SCAF1: variants seen among roughly 807,000 people sequenced by gnomAD.
SCAF1 encodes splicing factor, arginine/serine-rich 19.
SCAF1 carries 28 observed loss-of-function variants against 91.2 expected under a neutral mutation model. The observed-to-expected ratio is 0.31, with a 90% CI of 0.23 to 0.42. The LOEUF (loss-of-function observed/expected upper bound fraction) is 0.42, where lower values mean the gene tolerates loss of function less well. Ranked by LOEUF, SCAF1 falls within the 10% of genes least tolerant of loss-of-function variation. The pLI is 1.00. For missense variants in SCAF1, 1,893 were observed against 1,872.1 expected, an observed-to-expected ratio of 1.01 and a Z score of -0.21; for synonymous variants, 1,036 against 833.7, an observed-to-expected ratio of 1.24 and a Z score of -4.18.
intron 1 of SCAF1, among the ~76,000 whole-genome samples, chr19:49,644,250 C>A (rs190738270): frequency 2.6e-5 from 4 of 152,054 alleles, no homozygotes; most frequent in African/African-American, 9.7e-5. Context: ...TTTCTGAAGC[C>A]CTAATCAAGA....
chr19:49,646,431 T>C lies in SCAF1; in HGVS notation c.262-95T>C. On this transcript the variant is annotated intron_variant, in intron 4 of 10. Coordinates refer to ENST00000360565, the MANE Select transcript of SCAF1 (RefSeq NM_021228.3). The surrounding 1 kb of genome is among the most constrained non-coding windows in gnomAD (Gnocchi z 5.6). ...CCTCAGTTTTCTTGGGGATCTTAGATGTCTGGGTTCCTGAGAGGTTAGGGA... is the reference window on the plus strand; with the variant it reads ...CCTCAGTTTTCTTGGGGATCTTAGACGTCTGGGTTCCTGAGAGGTTAGGGA... The C allele has an allele frequency of 8.9e-7, 1 of 1,120,024 alleles. No homozygotes were observed. Among genetic ancestry groups the C allele is most frequent in the African/African-American group, 1.5e-5 (1 of 65,086 alleles). The allele number at this position is 1,120,024 out of a possible 1,614,324, so 69.4% of individuals were successfully genotyped here.
chr19:49,650,081 C>A (rs1406537417), intron 6 of SCAF1, among the ~76,000 whole-genome samples: 1 of 152,172 alleles, frequency 6.6e-6, no homozygotes, highest in Non-Finnish European at 1.5e-5. Flanking sequence ...TCTTTGGGGG[C>A]GAATGAGGTG....
At chr19:49,643,582 C>T (rs1161979965) in intron 1 of SCAF1, among the ~76,000 whole-genome samples, 3 of 152,162 alleles carry the variant, frequency 2.0e-5, no homozygotes, top group African/African-American at 4.8e-5. Flanking sequence ...GGTGTGTCTG[C>T]GAAGCCTGGT....
rs374115603 is a variant in SCAF1 at position 49,646,149 on chromosome 19, A to G, written c.208A>G (p.Ser70Gly). 1.4e-5 allele frequency: 22 copies of G among 1,611,216 alleles called. No individual in the cohort carries two copies. Among genetic ancestry groups the G allele is most frequent in the Admixed American group, 3.3e-5 (2 of 59,910 alleles). Residue 70 changes from serine (S) to glycine (G), a missense_variant, in exon 4 of 11, where the codon AGT becomes GGT. Ser to Gly is a moderately conservative substitution (Grantham distance 56). This residue lies in a region of SCAF1 where 270 missense variants were observed against 292.5 expected (regional missense o/e 0.92). Coordinates refer to ENST00000360565, the MANE Select transcript of SCAF1 (RefSeq NM_021228.3). This position sits in a 1 kb window ranked among gnomAD's most constrained non-coding sequence, Gnocchi z 5.6. ...CHGLRWRRCR[S>G]PRSEPRSQES... is the part of the protein sequence containing the mutation. ...TGGCCTTCGATGGCGGCGCTGCCGG[A>G]GTCCACGGTCAGAGCCCCGTTCCCA...
rs2081047403 is a variant in SCAF1, at chr19:49,645,137, G to A, written c.108+3G>A. The A allele has an allele frequency of 2.5e-6, 4 of 1,612,844 alleles. No individual in the cohort carries two copies. Among genetic ancestry groups the A allele is most frequent in the South Asian group, 1.1e-5 (1 of 91,028 alleles). On this transcript the variant is annotated splice_donor_region_variant and intron_variant, in intron 2 of 10. Transcript: ENST00000360565. This position sits in a 1 kb window ranked among gnomAD's most constrained non-coding sequence, Gnocchi z 4.6. The stretch of plus-strand genomic sequence containing the variant: ...TTTCTCCTTCTGCCTTTATCCTGGT[G>A]AGGCTGCTGGGCTCCTGGCACTGAG...
chr19:49,652,026 C>A lies in SCAF1; in HGVS notation c.1637C>A (p.Pro546Gln). The A allele has an allele frequency of 1.6e-6, 2 of 1,220,932 alleles. No homozygotes were observed. The highest frequency in any genetic ancestry group is 5.3e-5 in the East Asian group (1 of 18,786). The allele number at this position is 1,220,932 out of a possible 1,614,324, so 75.6% of individuals were successfully genotyped here. Residue 546 changes from proline to glutamine, a missense_variant, in exon 7 of 11, where the codon CCG (proline) becomes CAG (glutamine). Transcript: ENST00000360565. The stretch of plus-strand genomic sequence containing the variant: ...GGCACCCAGCCAGCGCCGCCCGCCC[C>A]GGCCTCGCCCTGGGACTCCAAGAAG... ...SSGTQPAPPA[P>Q]ASPWDSKKHR...
chr19:49,650,950 C>T lies in SCAF1; in HGVS notation c.561C>T (p.Pro187=), dbSNP rs1197743452. ...LGTGDGGPAP[P]PAPSSASSSP... is the part of the protein sequence containing the mutation. ...CGGGAGACGGGGGCCCTGCCCCACC[C>T]CCTGCCCCCTCCTCTGCATCCTCCT... The change falls in exon 7 of 11, where the codon CCC becomes CCT. Residue 187 remains proline (P), a synonymous_variant. Transcript: ENST00000360565. 2 of 1,564,440 alleles carry T rather than the reference C, an allele frequency of 1.3e-6. No homozygotes were observed. Among genetic ancestry groups the T allele is most frequent in the Admixed American group, 3.5e-5 (2 of 56,668 alleles).
intron 8 of SCAF1, 37 bp downstream of exon 8, chr19:49,654,468 C>T (rs764278041): frequency 6.3e-7 from 1 of 1,590,758 alleles, no homozygotes; most frequent in Non-Finnish European, 8.6e-7. Flanking sequence ...GCCGCCCCTT[C>T]TTTTGTCCAT....
Position 49,653,301 on chromosome 19 carries a change from C to T in SCAF1, c.2912C>T (p.Ala971Val), listed in dbSNP as rs373766795. 6 of 1,467,458 alleles carry T rather than the reference C, an allele frequency of 4.1e-6. No homozygotes were observed. The highest frequency in any genetic ancestry group is 2.8e-5 in the African/African-American group (2 of 70,416). The allele number at this position is 1,467,458 out of a possible 1,614,324, so 90.9% of individuals were successfully genotyped here. A position where few individuals can be genotyped will look rare whatever the true frequency, so the allele number is the denominator to read the frequency against. The change falls in exon 7 of 11, where the codon GCC (alanine) becomes GTC (valine). Residue 971 changes from alanine (A) to valine (V), a missense_variant. Coordinates refer to ENST00000360565, the MANE Select transcript of SCAF1 (RefSeq NM_021228.3). ...ETSWSGEERAAKVPSTPPPKA... is the reference protein window; with the variant it reads ...ETSWSGEERAVKVPSTPPPKA... ...TCCTGGTCCGGGGAGGAGCGGGCAG[C>T]CAAGGTTCCTAGCACCCCGCCCCCC...
Position 49,658,319 on chromosome 19 carries a change from C to A in SCAF1, c.3859C>A (p.Pro1287Thr). The change falls in exon 11 of 11, where the codon CCC (proline) becomes ACC (threonine). Residue 1287 changes from proline to threonine, a missense_variant. Pro to Thr is a conservative substitution (Grantham distance 38). Transcript: ENST00000360565. ...FRKHGRKPGDPPGPPRPPKEP... is the reference protein window; with the variant it reads ...FRKHGRKPGDTPGPPRPPKEP... ...CAAGCACGGTCGCAAGCCAGGGGACCCCCCAGGGCCCCCACGGCCGCCCAA... is the reference window on the plus strand; with the variant it reads ...CAAGCACGGTCGCAAGCCAGGGGACACCCCAGGGCCCCCACGGCCGCCCAA... The A allele has an allele frequency of 6.2e-7, 1 of 1,600,268 alleles. No individual in the cohort carries two copies. Among genetic ancestry groups the A allele is most frequent in the Non-Finnish European group, 8.5e-7 (1 of 1,174,370 alleles).
chr19:49,657,922 CG>C (rs2081153324), intron 10 of SCAF1, 33 bp downstream of exon 10: 1 of 1,604,620 alleles, frequency 6.2e-7, no homozygotes, highest in Non-Finnish European at 8.5e-7. Context: ...AGACACAGGC[CG>C]GGGAGAGAAC....
chr19:49,652,340 G>T lies in SCAF1; in HGVS notation c.1951G>T (p.Gly651Cys). The T allele has an allele frequency of 6.5e-7, 1 of 1,536,300 alleles. No individual in the cohort carries two copies. The highest frequency in any genetic ancestry group is 1.2e-5 in the South Asian group (1 of 83,278). ...KKKKKRSRSR[G>C]EKRSGDGSEK... is the part of the protein sequence containing the mutation. ...GAAGAAGAAGCGGTCGCGGTCCCGGGGTGAGAAGCGGTCTGGGGATGGCAG... is the reference window on the plus strand; with the variant it reads ...GAAGAAGAAGCGGTCGCGGTCCCGGTGTGAGAAGCGGTCTGGGGATGGCAG... The change falls in exon 7 of 11, where the codon GGT (glycine) becomes TGT (cysteine). Residue 651 changes from glycine to cysteine, a missense_variant. Gly to Cys is a radical substitution (Grantham distance 159). This residue lies in a region of SCAF1 where 1,436 missense variants were observed against 1,306.8 expected (regional missense o/e 1.10). Transcript: ENST00000360565.
chr19:49,657,728 C>G, intron 9 of SCAF1, 33 bp from the exon 10 acceptor site: 1 of 1,576,034 alleles, frequency 6.3e-7, no homozygotes, highest in Non-Finnish European at 8.6e-7. Context: ...CTGGCCCTTG[C>G]TGTGTCTTCC....
intron 9 of SCAF1, among the ~76,000 whole-genome samples, chr19:49,657,086 CA>C (rs1450927316): frequency 6.6e-6 from 1 of 152,082 alleles, no homozygotes; most frequent in Non-Finnish European, 1.5e-5. Flanking sequence ...CCCAGGAGAC[CA>C]GGGGTACAGT....
chr19:49,646,012 G>A lies in SCAF1; in HGVS notation c.167-96G>A, dbSNP rs34074594. ...GGAGAGCATGCGGGAGGCTGGTTCC[G>A]CTGTCAGGAACTAGATCAAGCTCCT... On this transcript the variant is annotated intron_variant, in intron 3 of 10. Transcript: ENST00000360565. The surrounding 1 kb of genome is among the most constrained non-coding windows in gnomAD (Gnocchi z 5.6). The A allele has an allele frequency of 0.088, 101,646 of 1,151,014 alleles. 5,182 individuals carry two copies. The highest frequency in any genetic ancestry group is 0.15 in the Admixed American group (7,657 of 51,998). The allele number at this position is 1,151,014 out of a possible 1,614,324, so 71.3% of individuals were successfully genotyped here. A position where few individuals can be genotyped will look rare whatever the true frequency, so the allele number is the denominator to read the frequency against.
At position 49,645,292 on chromosome 19, in the gene SCAF1, G is replaced by A. The variant is rs565873819; in HGVS notation, c.109-62G>A. ...TGTCTGGGATGTCTGTCTCCCAAGG[G>A]GCAGAGGTTGCAAAGCATCTGCCTG... On this transcript the variant is annotated intron_variant, in intron 2 of 10. Transcript: ENST00000360565. The surrounding 1 kb of genome is among the most constrained non-coding windows in gnomAD (Gnocchi z 4.6). The A allele has an allele frequency of 3.1e-5, 49 of 1,584,328 alleles. No homozygotes were observed. In the African/African-American group the frequency reaches 6.2e-4, roughly 20 times the overall value.
In SCAF1 at chr19:49,652,225, C is replaced by T. The variant is rs1334373922; in HGVS notation, c.1836C>T (p.Ser612=). The T allele has an allele frequency of 3.7e-6, 5 of 1,350,764 alleles. No homozygotes were observed. The African/African-American group carries it at 4.6e-5, about 13-fold the overall frequency. The allele number at this position is 1,350,764 out of a possible 1,614,324, so 83.7% of individuals were successfully genotyped here. A position where few individuals can be genotyped will look rare whatever the true frequency, so the allele number is the denominator to read the frequency against. Residue 612 remains serine (S), a synonymous_variant, in exon 7 of 11, where the codon TCC becomes TCT. Coordinates refer to ENST00000360565, the MANE Select transcript of SCAF1 (RefSeq NM_021228.3). ...AGAAGCGGCGACGGCGGCGGCGCTC[C>T]GCCTCCCCGCCCCCGGCCACTTCCT... ...SREKRRRRRR[S]ASPPPATSSS... is the part of the protein sequence containing the mutation.
At chr19:49,650,168 T>C (rs1317766481) in intron 6 of SCAF1, among the ~76,000 whole-genome samples, 1 of 152,196 alleles carries the variant, frequency 6.6e-6, no homozygotes, top group African/African-American at 2.4e-5. Flanking sequence ...CAGTGGTGTC[T>C]TTGAGTCCTG....
chr19:49,651,892 G>A lies in SCAF1; in HGVS notation c.1503G>A (p.Pro501=). 8.5e-7 allele frequency: 1 copy of A among 1,180,782 alleles called. No individual in the cohort carries two copies. The highest frequency in any genetic ancestry group is 1.1e-6 in the Non-Finnish European group (1 of 952,014). The allele number at this position is 1,180,782 out of a possible 1,614,324, so 73.1% of individuals were successfully genotyped here. Residue 501 remains proline (P), a synonymous_variant, in exon 7 of 11, where the codon CCG becomes CCA. Transcript: ENST00000360565. The part of the protein sequence containing the change: ...RERYRQRSPS[P]APAPAPAAAA... ...GCTACCGCCAGCGCTCGCCCTCCCC[G>A]GCGCCCGCGCCCGCCCCGGCCGCCG...
Sources: gnomAD v4.1 joint callset for allele counts (sites outside exome capture counted in the v4.1 genomes callset) on GRCh38, gnomAD v4.1.1 for gene constraint, gnomAD v4.1.1 regional missense constraint, Gnocchi (gnomAD v3.1) non-coding constraint, MANE v1.5 for transcripts, NCBI Gene and HGNC (gene_info 2026-07-23, HGNC 2026-07-21) for gene names.